NPAS4: variants seen among roughly 807,000 people sequenced by gnomAD.
The protein encoded by NPAS4 is neuronal PAS domain-containing protein 4.
Under a neutral mutation model 64.0 loss-of-function variants are expected in NPAS4, and 10 were observed. The ratio of observed to expected loss-of-function variants is 0.16; its 90% CI spans 0.10 to 0.26. The LOEUF (loss-of-function observed/expected upper bound fraction) is 0.26, where lower values mean the gene tolerates loss of function less well. Ranked by LOEUF, NPAS4 falls within the 10% of genes least tolerant of loss-of-function variation. The pLI is 1.00. For missense variants in NPAS4, 886 were observed against 992.6 expected (o/e 0.89, Z 1.44); for synonymous variants, 441 against 411.7 (o/e 1.07, Z -0.86).
At chr11:66,412,962 C>T in the NPAS4 span, among the ~76,000 whole-genome samples, 10 of 152,350 alleles carry the variant, frequency 6.6e-5, no homozygotes, top group African/African-American at 2.2e-4. Context: ...GAACATCTCT[C>T]CATTCCTTCC....
intron 7 of NPAS4, 93 bp downstream of exon 7, chr11:66,425,363 A>G (rs550453826): frequency 6.2e-5 from 40 of 641,388 alleles, no homozygotes; most frequent in African/African-American, 5.7e-4. Context: ...CTCTCTGTAC[A>G]TTGATTTTAT....
chr11:66,420,488 A>T (rs1856724272), upstream of NPAS4, among the ~76,000 whole-genome samples: 1 of 152,206 alleles, frequency 6.6e-6, no homozygotes, highest in South Asian at 2.1e-4. Context: ...CCCAGAGAGG[A>T]ACCCCAGCAG....
chr11:66,425,128 G>C lies in NPAS4; in HGVS notation c.2238G>C (p.Leu746=). 1 of 1,605,700 alleles carries C rather than the reference G, an allele frequency of 6.2e-7. No homozygotes were observed. Among genetic ancestry groups the C allele is most frequent in the Non-Finnish European group, 8.5e-7 (1 of 1,177,260 alleles). The change falls in exon 7 of 8, where the codon CTG becomes CTC. Residue 746 remains leucine, a synonymous_variant. Coordinates refer to ENST00000311034, the MANE Select transcript of NPAS4 (RefSeq NM_178864.4). The part of the protein sequence containing the change: ...PGGAPSPCNN[L]SPEDHSFLED... ...GGGCCCCATCGCCTTGCAACAACCT[G>C]TCCCCAGAAGACCACAGCTTCCTGG...
chr11:66,419,232 C>A (rs1856702347), upstream of NPAS4, among the ~76,000 whole-genome samples: 1 of 152,128 alleles, frequency 6.6e-6, no homozygotes, highest in Admixed American at 6.5e-5. Context: ...AAGCGGACAT[C>A]GTTCCCTCCA....
In NPAS4 at chr11:66,424,285, C is replaced by T. The variant is rs1297499154; in HGVS notation, c.1395C>T (p.Thr465=). 11 of 1,614,056 alleles carry T rather than the reference C, an allele frequency of 6.8e-6. No individual in the cohort carries two copies. Among genetic ancestry groups the T allele is most frequent in the Non-Finnish European group, 5.9e-6 (7 of 1,180,048 alleles). The change falls in exon 7 of 8, where the codon ACC becomes ACT. Residue 465 remains threonine (T), a synonymous_variant. Coordinates refer to ENST00000311034, the MANE Select transcript of NPAS4 (RefSeq NM_178864.4). The part of the protein sequence containing the change: ...LQEQLTPSTA[T]FSDQLTPSSA... Reference sequence around the variant, plus strand: ...AACAGCTGACTCCAAGCACTGCGACCTTCTCTGATCAGTTGACGCCCAGCA... The same window carrying T: ...AACAGCTGACTCCAAGCACTGCGACTTTCTCTGATCAGTTGACGCCCAGCA...
intron 4 of NPAS4, 75 bp from the exon 5 acceptor site, chr11:66,423,048 T>C: frequency 1.3e-6 from 2 of 1,507,368 alleles, no homozygotes; most frequent in Non-Finnish European, 9.0e-7. Flanking sequence ...GGGCAGAGGA[T>C]CTGGGAGGGA....
chr11:66,417,505 A>G (rs951106084), upstream of NPAS4, among the ~76,000 whole-genome samples: 1 of 152,182 alleles, frequency 6.6e-6, no homozygotes, highest in South Asian at 2.1e-4. Context: ...TAGAGATTGC[A>G]TGCAACAAGA....
chr11:66,425,581 A>C lies in NPAS4; in HGVS notation c.2380+311A>C, dbSNP rs758558411. Among the ~76,000 whole-genome samples, 32 of 152,140 alleles carry C rather than the reference A, an allele frequency of 2.1e-4. 1 individual carries two copies. The highest frequency in any genetic ancestry group is 3.2e-3 in the Middle Eastern group (1 of 316). On this transcript the variant is annotated intron_variant, in intron 7 of 7. Coordinates refer to ENST00000311034, the MANE Select transcript of NPAS4 (RefSeq NM_178864.4). ...CCCCATTTTACAGATGAAAATAATC[A>C]AGGTCCCAGAGTTAAACAGACTTTC...
intron 7 of NPAS4, among the ~76,000 whole-genome samples, chr11:66,425,740 T>C (rs1856830612): frequency 6.6e-6 from 1 of 152,162 alleles, no homozygotes; most frequent in South Asian, 2.1e-4. Flanking sequence ...CTGACTCCAT[T>C]GAGGTAGCTC....
At position 66,425,066 on chromosome 11, in the gene NPAS4, T is replaced by A. The variant is rs758293148; in HGVS notation, c.2176T>A (p.Trp726Arg). The A allele has an allele frequency of 6.2e-7, 1 of 1,609,002 alleles. No homozygotes were observed. Among genetic ancestry groups the A allele is most frequent in the Non-Finnish European group, 8.5e-7 (1 of 1,177,682 alleles). ...DLSTPDPSEE[W>R]GSGDPEAEGP... ...CTCTACCCCAGATCCCAGTGAGGAA[T>A]GGGGCTCAGGGGATCCTGAGGCAGA... is the stretch of plus-strand genomic sequence containing the variant. The change falls in exon 7 of 8, where the codon TGG (tryptophan) becomes AGG (arginine). Residue 726 changes from tryptophan to arginine, a missense_variant. By Grantham distance (101) the Trp-to-Arg change is moderately radical. Coordinates refer to ENST00000311034, the MANE Select transcript of NPAS4 (RefSeq NM_178864.4).
rs1209100055 is a variant in NPAS4, at chr11:66,425,105, G to A, written c.2215G>A (p.Ala739Thr). The A allele has an allele frequency of 1.2e-6, 2 of 1,604,498 alleles. No individual in the cohort carries two copies. Among genetic ancestry groups the A allele is most frequent in the South Asian group, 1.1e-5 (1 of 89,552 alleles). The part of the protein sequence containing the change: ...GDPEAEGPGG[A>T]PSPCNNLSPE... Reference sequence around the variant, plus strand: ...TCCTGAGGCAGAGGGCCCAGGAGGGGCCCCATCGCCTTGCAACAACCTGTC... The same window carrying A: ...TCCTGAGGCAGAGGGCCCAGGAGGGACCCCATCGCCTTGCAACAACCTGTC... The change falls in exon 7 of 8, where the codon GCC becomes ACC. Residue 739 changes from alanine (A) to threonine (T), a missense_variant. Coordinates refer to ENST00000311034, the MANE Select transcript of NPAS4 (RefSeq NM_178864.4).
In NPAS4 at chr11:66,422,960, G is replaced by A; in HGVS notation, c.698+19G>A. The A allele has an allele frequency of 6.3e-7, 1 of 1,598,642 alleles. No homozygotes were observed. The highest frequency in any genetic ancestry group is 2.2e-5 in the East Asian group (1 of 44,794). On this transcript the variant is annotated intron_variant, in intron 4 of 7. Transcript: ENST00000311034. ...CCGAGAGGTAAGCCTGGAGTGTTCA[G>A]ATTCCAAGAGAAAGGCAGGCCAGAG...
Position 66,423,912 on chromosome 11 carries a change from C to A in NPAS4, c.1022C>A (p.Thr341Asn), listed in dbSNP as rs1259899641. ...TQAAYVLGTP[T>N]MLPSFPENIL... ...GCAGCTTATGTCCTGGGCACTCCGA[C>A]CATGCTGCCCTCATTCCCTGAAAAC... The change falls in exon 7 of 8, where the codon ACC becomes AAC. Residue 341 changes from threonine to asparagine, a missense_variant. By Grantham distance (65) the Thr-to-Asn change is moderately conservative. Around this residue, in one of 3 missense-constraint regions of NPAS4, gnomAD observed 820 missense variants for 855.5 expected, o/e 0.96. Coordinates refer to ENST00000311034, the MANE Select transcript of NPAS4 (RefSeq NM_178864.4). 2 of 1,613,966 alleles carry A rather than the reference C, an allele frequency of 1.2e-6. No homozygotes were observed. Among genetic ancestry groups the A allele is most frequent in the Admixed American group, 3.3e-5 (2 of 60,002 alleles).
At chr11:66,419,804 G>A (rs1022954040), upstream of NPAS4, among the ~76,000 whole-genome samples, 2 of 152,218 alleles carry the variant, frequency 1.3e-5, no homozygotes, top group South Asian at 2.1e-4. Context: ...TGAAGGTGGA[G>A]AGGCAGAGCC....
rs1341308519 is a variant in NPAS4 at position 66,423,883 on chromosome 11, C to T, written c.993C>T (p.Thr331=). The T allele has an allele frequency of 3.1e-6, 5 of 1,613,552 alleles. No individual in the cohort carries two copies. In the Admixed American group the frequency reaches 5.0e-5, roughly 16 times the overall value. Residue 331 remains threonine, a synonymous_variant, in exon 7 of 8, where the codon ACC becomes ACT. Coordinates refer to ENST00000311034, the MANE Select transcript of NPAS4 (RefSeq NM_178864.4). Reference sequence around the variant, plus strand: ...GCCAGCAGTTGAACTCTGAAGACACCCAGGCAGCTTATGTCCTGGGCACTC... The same window carrying T: ...GCCAGCAGTTGAACTCTGAAGACACTCAGGCAGCTTATGTCCTGGGCACTC... ...SLRQQLNSED[T]QAAYVLGTPT...
intron 2 of NPAS4, 51 bp downstream of exon 2, chr11:66,422,322 T>C (rs747589557): frequency 1.9e-6 from 3 of 1,585,080 alleles, no homozygotes; most frequent in Non-Finnish European, 2.6e-6. Flanking sequence ...GTGGGTGCCG[T>C]GAGCCTTCCA....
intron 1 of NPAS4, 88 bp downstream of exon 1, chr11:66,421,442 T>TAG (rs1486760875): frequency 3.3e-6 from 4 of 1,215,864 alleles, no homozygotes; most frequent in African/African-American, 1.5e-5. Flanking sequence ...GTCGCATGTC[T>TAG]AGGGCAGCGT....
At chr11:66,422,096 G>A (rs1856753139) in intron 1 of NPAS4, 24 bp from the exon 2 acceptor site, 1 of 1,609,290 alleles carries the variant, frequency 6.2e-7, no homozygotes, top group Non-Finnish European at 8.5e-7. Flanking sequence ...TACTCCTGAC[G>A]CACTACGTCT....
chr11:66,423,642 G>T lies in NPAS4; in HGVS notation c.873G>T (p.Trp291Cys). The change falls in exon 6 of 8, where the codon TGG becomes TGT. Residue 291 changes from tryptophan to cysteine, a missense_variant. Trp to Cys is a radical substitution (Grantham distance 215). Coordinates refer to ENST00000311034, the MANE Select transcript of NPAS4 (RefSeq NM_178864.4). ...VVRLQAKTGG[W>C]AWIYCLLYSE... is the part of the protein sequence containing the mutation. ...GGCTACAGGCCAAGACTGGAGGCTG[G>T]GCATGGATTTACTGCCTGTTATACT... is the stretch of plus-strand genomic sequence containing the variant. 6.2e-7 allele frequency: 1 copy of T among 1,614,100 alleles called. No homozygotes were observed. The highest frequency in any genetic ancestry group is 8.5e-7 in the Non-Finnish European group (1 of 1,179,964).
Sources: allele counts gnomAD v4.1 joint callset (sites outside exome capture counted in the v4.1 genomes callset), GRCh38; gene constraint gnomAD v4.1.1; regional missense constraint gnomAD v4.1.1; transcripts MANE v1.5; gene names NCBI Gene and HGNC (gene_info 2026-07-23, HGNC 2026-07-21).